ELMO2: variants seen among roughly 807,000 people sequenced by gnomAD.
ELMO2 encodes engulfment and cell motility protein 2.
In ELMO2, 37 loss-of-function variants were observed where a neutral mutation model predicts 96.2. That is an observed-to-expected ratio of 0.38 (90% CI 0.30 to 0.51). The LOEUF (loss-of-function observed/expected upper bound fraction) is 0.51. ELMO2 is among the 20% of genes least tolerant of loss of function. ELMO2 has a pLI of 0.88. For missense variants in ELMO2, 561 were observed against 912.6 expected, an observed-to-expected ratio of 0.61 and a Z score of 4.96; for synonymous variants, 315 against 329.4, an observed-to-expected ratio of 0.96 and a Z score of 0.47.
At chr20:46,388,333 G>C (rs568958617) in intron 7 of ELMO2, among the ~76,000 whole-genome samples, 1 of 152,150 alleles carries the variant, frequency 6.6e-6, no homozygotes, top group African/African-American at 2.4e-5. Flanking sequence ...TTAGTTACTC[G>C]ATTTGGCTAA....
chr20:46,393,120 C>G lies in ELMO2; in HGVS notation c.216G>C (p.Gly72=). 6.2e-7 allele frequency: 1 copy of G among 1,613,914 alleles called. No individual in the cohort carries two copies. Among genetic ancestry groups the G allele is most frequent in the South Asian group, 1.1e-5 (1 of 91,066 alleles). Residue 72 remains glycine, a synonymous_variant, in exon 6 of 22, where the codon GGG becomes GGC. Coordinates refer to ENST00000290246, the MANE Select transcript of ELMO2 (RefSeq NM_133171.5). ...GGGAGATAGCCAGTTGTAAGATTGT[C>G]CCATTCTTAATGTCACTGCGAGTCT... is the stretch of plus-strand genomic sequence containing the variant. ...TEQTRSDIKN[G]TILQLAISPS...
chr20:46,382,063 G>A (rs1012903011), intron 10 of ELMO2: 1 of 688,286 alleles, frequency 1.5e-6, no homozygotes, highest in African/African-American at 1.9e-5. Flanking sequence ...TAAGTGTCCT[G>A]ACAAAGGAGA....
At chr20:46,373,349 CG>C in intron 16 of ELMO2, 49 bp downstream of exon 16, 1 of 1,606,582 alleles carries the variant, frequency 6.2e-7, no homozygotes, top group Non-Finnish European at 8.5e-7. Flanking sequence ...CAAAGGCTGT[CG>C]TGTGATGGTC....
intron 15 of ELMO2, 150 bp from the exon 16 acceptor site, chr20:46,373,685 G>T (rs991468758): frequency 1.0e-6 from 1 of 980,174 alleles, no homozygotes; most frequent in African/African-American, 1.6e-5. Context: ...CGTTTCTCAC[G>T]TCCTTAGCTT....
rs746456458 is a variant in ELMO2 at position 46,371,706 on chromosome 20, C to G, written c.1581-15G>C. The stretch of plus-strand genomic sequence containing the variant: ...CCCTCAGCTCCCTGGGGTGGACACA[C>G]ACTGGAGTGAGCGGAAGGTCATGGG... On this transcript the variant is annotated splice_polypyrimidine_tract_variant and intron_variant, in intron 17 of 21. Transcript: ENST00000290246. The surrounding 1 kb of genome is among the most constrained non-coding windows in gnomAD (Gnocchi z 5.9). 1 of 1,613,914 alleles carries G rather than the reference C, an allele frequency of 6.2e-7. No homozygotes were observed. Among genetic ancestry groups the G allele is most frequent in the Non-Finnish European group, 8.5e-7 (1 of 1,180,012 alleles).
intron 6 of ELMO2, among the ~76,000 whole-genome samples, chr20:46,392,588 G>A (rs1294358786): frequency 6.6e-6 from 1 of 152,250 alleles, no homozygotes; most frequent in African/African-American, 2.4e-5. Context: ...TGAAACCTAC[G>A]AGTAGGCCAT....
chr20:46,376,442 A>C, intron 11 of ELMO2, among the ~76,000 whole-genome samples: 2 of 145,494 alleles, frequency 1.4e-5, no homozygotes, highest in African/African-American at 5.1e-5. Flanking sequence ...CTCCCTCCCC[A>C]CTGTCTCTGT....
At position 46,383,446 on chromosome 20, in the gene ELMO2, A is replaced by C; in HGVS notation, c.726T>G (p.Leu242=). Residue 242 remains leucine, a synonymous_variant, in exon 10 of 22, where the codon CTT becomes CTG. Transcript: ENST00000290246. ...GTTTGTCCTCAGGAGCCTTCAGAAAAAGTGCATTAATCAGTGCAATGGCGT... is the reference window on the plus strand; with the variant it reads ...GTTTGTCCTCAGGAGCCTTCAGAAACAGTGCATTAATCAGTGCAATGGCGT... ...QTYAIALINA[L]FLKAPEDKRQ... is the part of the protein sequence containing the mutation. 1 of 1,614,212 alleles carries C rather than the reference A, an allele frequency of 6.2e-7. No homozygotes were observed. The highest frequency in any genetic ancestry group is 8.5e-7 in the Non-Finnish European group (1 of 1,180,032).
chr20:46,370,667 G>A, intron 19 of ELMO2, 142 bp from the exon 20 acceptor site: 2 of 765,442 alleles, frequency 2.6e-6, no homozygotes, highest in South Asian at 3.0e-5. Flanking sequence ...TGAGCTCAGT[G>A]AGGGTGGTGG....
chr20:46,374,508 C>G (rs1485283808), intron 14 of ELMO2, 28 bp downstream of exon 14: 3 of 1,612,390 alleles, frequency 1.9e-6, no homozygotes, highest in Admixed American at 3.3e-5. Context: ...GGCACCAGGA[C>G]TGAGAAGGCC....
At chr20:46,398,558 C>T (rs1600889978) in intron 2 of ELMO2, 139 bp downstream of exon 2, 1 of 152,358 alleles carries the variant, frequency 6.6e-6, no homozygotes, top group East Asian at 1.9e-4. Flanking sequence ...GGTGATCCAT[C>T]TGCCTCGGCC....
chr20:46,388,931 T>C, intron 7 of ELMO2, 108 bp downstream of exon 7: 2 of 1,082,634 alleles, frequency 1.8e-6, no homozygotes, highest in South Asian at 1.5e-5. Flanking sequence ...TGCACACAGG[T>C]GGTATTCAAT....
In ELMO2 at chr20:46,383,472, A is replaced by T. The variant is rs934300586; in HGVS notation, c.700T>A (p.Tyr234Asn). Residue 234 changes from tyrosine (Y) to asparagine (N), a missense_variant, in exon 10 of 22, where the codon TAC (tyrosine) becomes AAC (asparagine). Physicochemically the swap from Tyr to Asn is moderately radical, Grantham distance 143. Coordinates refer to ENST00000290246, the MANE Select transcript of ELMO2 (RefSeq NM_133171.5). ...AGTGCATTAATCAGTGCAATGGCGT[A>T]GGTCTGAATCTCCTGGTTGGAGCTG... ...LQVSNQEIQT[Y>N]AIALINALFL... is the part of the protein sequence containing the mutation. 1.2e-6 allele frequency: 2 copies of T among 1,614,072 alleles called. No homozygotes were observed. The highest frequency in any genetic ancestry group is 2.7e-5 in the African/African-American group (2 of 74,944).
At position 46,375,071 on chromosome 20, in the gene ELMO2, T is replaced by C. The variant is rs1468770374; in HGVS notation, c.1065+165A>G. The stretch of plus-strand genomic sequence containing the variant: ...AAACTTTGCACATAAACTCACAGAC[T>C]CACCATCAACAAAGCAAAGCAAGCA... On this transcript the variant is annotated intron_variant, in intron 13 of 21. Transcript: ENST00000290246. This position sits in a 1 kb window ranked among gnomAD's most constrained non-coding sequence, Gnocchi z 4.6. Among the ~76,000 whole-genome samples, 1 of 152,008 alleles carries C rather than the reference T, an allele frequency of 6.6e-6. No homozygotes were observed. Among genetic ancestry groups the C allele is most frequent in the Non-Finnish European group, 1.5e-5 (1 of 68,008 alleles).
intron 15 of ELMO2, 82 bp from the exon 16 acceptor site, chr20:46,373,617 A>C: frequency 6.4e-7 from 1 of 1,560,604 alleles, no homozygotes; most frequent in Non-Finnish European, 8.7e-7. Context: ...CTTTGCACCA[A>C]AGTCCCGAGG....
rs1275143921 is a variant in ELMO2 at position 46,371,343 on chromosome 20, T to A, written c.1801+9A>T. 1 of 1,613,110 alleles carries A rather than the reference T, an allele frequency of 6.2e-7. No homozygotes were observed. Among genetic ancestry groups the A allele is most frequent in the Non-Finnish European group, 8.5e-7 (1 of 1,179,164 alleles). The stretch of plus-strand genomic sequence containing the variant: ...CAACCATGACACATCAACAGAGAAA[T>A]GAACCTACTTTTCTCCTGCAGGGAT... On this transcript the variant is annotated intron_variant, in intron 19 of 21. Coordinates refer to ENST00000290246, the MANE Select transcript of ELMO2 (RefSeq NM_133171.5). This position sits in a 1 kb window ranked among gnomAD's most constrained non-coding sequence, Gnocchi z 5.9.
chr20:46,403,199 A>G (rs1341950508), intron 1 of ELMO2, among the ~76,000 whole-genome samples: 1 of 152,238 alleles, frequency 6.6e-6, no homozygotes, highest in African/African-American at 2.4e-5. Context: ...TTGACAAAAT[A>G]AGAGAGCATA....
chr20:46,375,561 A>G lies in ELMO2; in HGVS notation c.930+107T>C. On this transcript the variant is annotated intron_variant, in intron 12 of 21. Coordinates refer to ENST00000290246, the MANE Select transcript of ELMO2 (RefSeq NM_133171.5). This position sits in a 1 kb window ranked among gnomAD's most constrained non-coding sequence, Gnocchi z 4.6. The stretch of plus-strand genomic sequence containing the variant: ...GATCATGCTAGATTTTCTAGGGCAG[A>G]TGCAAACTACTTCTGCAGACAAAGA... The G allele has an allele frequency of 6.4e-6, 10 of 1,550,476 alleles. No individual in the cohort carries two copies. Among genetic ancestry groups the G allele is most frequent in the Non-Finnish European group, 8.8e-6 (10 of 1,136,654 alleles).
Position 46,394,423 on chromosome 20 carries a change from C to A in ELMO2, c.60G>T (p.Gln20His). The A allele has an allele frequency of 6.2e-7, 1 of 1,614,222 alleles. No individual in the cohort carries two copies. The highest frequency in any genetic ancestry group is 8.5e-7 in the Non-Finnish European group (1 of 1,180,032). Residue 20 changes from glutamine to histidine, a missense_variant, in exon 3 of 22, where the codon CAG becomes CAT. By Grantham distance (24) the Gln-to-His change is conservative (BLOSUM62 0). Transcript: ENST00000290246. ...VAIEWPGANA[Q>H]LLEIDQKRPL... ...AGCATACCTGGTCGATTTCAAGGAG[C>A]TGGGCGTTAGCACCTGGCCACTCAA...
Sources: gnomAD v4.1 joint callset for allele counts (sites outside exome capture counted in the v4.1 genomes callset) on GRCh38, gnomAD v4.1.1 for gene constraint, Gnocchi (gnomAD v3.1) non-coding constraint, MANE v1.5 for transcripts, NCBI Gene and HGNC (gene_info 2026-07-23, HGNC 2026-07-21) for gene names.